POFUT3: variants seen among roughly 807,000 people sequenced by gnomAD.
POFUT3 encodes the protein protein O-fucosyltransferase 3.
At chr8:33,387,393 A>G in the POFUT3 span, among the ~76,000 whole-genome samples, 3 of 152,372 alleles carry the variant, frequency 2.0e-5, no homozygotes, top group East Asian at 5.8e-4. Flanking sequence ...CCCATATGGT[A>G]TACATACAAT....
chr8:33,417,242 A>G, the POFUT3 span, among the ~76,000 whole-genome samples: 4 of 152,180 alleles, frequency 2.6e-5, no homozygotes, highest in Admixed American at 2.6e-4. Context: ...TCACCCCCAG[A>G]TGGGACCGTC....
the POFUT3 span, among the ~76,000 whole-genome samples, chr8:33,344,099 C>G: frequency 2.0e-5 from 3 of 152,134 alleles, no homozygotes; most frequent in Non-Finnish European, 2.9e-5. Flanking sequence ...AAAGAGATCC[C>G]TAAGAATGAA....
the POFUT3 span, among the ~76,000 whole-genome samples, chr8:33,318,481 A>T: frequency 1.5e-5 from 2 of 130,414 alleles, no homozygotes; most frequent in African/African-American, 5.9e-5. Context: ...TTATTATAAT[A>T]TATAATGTAC....
chr8:33,410,608 T>C, the POFUT3 span, among the ~76,000 whole-genome samples: 10 of 152,184 alleles, frequency 6.6e-5, no homozygotes, highest in Admixed American at 1.3e-4. Flanking sequence ...ATGAGACTCA[T>C]AGGCCTTTGG....
the POFUT3 span, chr8:33,453,492 TC>T: frequency 1.2e-6 from 2 of 1,609,474 alleles, no homozygotes; most frequent in Admixed American, 1.7e-5. Context: ...CTTTCAAACT[TC>T]CCCAGCTCAA....
the POFUT3 span, among the ~76,000 whole-genome samples, chr8:33,382,225 G>A: frequency 3.3e-5 from 5 of 151,820 alleles, no homozygotes; most frequent in Non-Finnish European, 7.4e-5. Flanking sequence ...CTCGGAGCTG[G>A]AGGTTGCAGT....
At chr8:33,466,223 C>T in the POFUT3 span, among the ~76,000 whole-genome samples, 1 of 151,944 alleles carries the variant, frequency 6.6e-6, no homozygotes, top group Middle Eastern at 3.4e-3. Flanking sequence ...TCAAGACTAG[C>T]CTGGGCAACA....
the POFUT3 span, among the ~76,000 whole-genome samples, chr8:33,400,130 TAAAA>T: frequency 8.7e-6 from 1 of 114,914 alleles, no homozygotes. Flanking sequence ...TTAAGTTCAT[TAAAA>T]AAAAAAAAAA....
the POFUT3 span, chr8:33,461,558 C>A: frequency 6.4e-7 from 1 of 1,572,380 alleles, no homozygotes; most frequent in South Asian, 1.1e-5. Flanking sequence ...ATCTGGGCGC[C>A]AATTTCCTGC....
the POFUT3 span, among the ~76,000 whole-genome samples, chr8:33,327,312 A>T: frequency 6.6e-6 from 1 of 152,248 alleles, no homozygotes; most frequent in East Asian, 1.9e-4. Context: ...AAGATGTCTT[A>T]TATATGTAGA....
the POFUT3 span, among the ~76,000 whole-genome samples, chr8:33,416,633 G>A: frequency 6.6e-6 from 1 of 151,984 alleles, no homozygotes; most frequent in African/African-American, 2.4e-5. Context: ...ATCACTTGAG[G>A]TCAGGAGTTC....
At chr8:33,380,040 GA>G in the POFUT3 span, among the ~76,000 whole-genome samples, 13 of 59,396 alleles carry the variant, frequency 2.2e-4, no homozygotes, top group African/African-American at 9.6e-4. Flanking sequence ...ATATATATAC[GA>G]TATATATACA....
At chr8:33,468,255 A>G in the POFUT3 span, among the ~76,000 whole-genome samples, 72,446 of 130,180 alleles carry the variant, frequency 0.56, 19,588 homozygotes, top group Non-Finnish European at 0.59. Context: ...AAAAAAAAAA[A>G]AAGAAGAAGA....
chr8:33,351,446 G>A, the POFUT3 span, among the ~76,000 whole-genome samples: 2 of 151,972 alleles, frequency 1.3e-5, no homozygotes, highest in Non-Finnish European at 2.9e-5. Context: ...AGTCGGCGGG[G>A]GGCAGGGGGT....
At chr8:33,330,043 A>C in the POFUT3 span, among the ~76,000 whole-genome samples, 4 of 152,214 alleles carry the variant, frequency 2.6e-5, no homozygotes, top group Non-Finnish European at 5.9e-5. Flanking sequence ...GAGGGTGGAC[A>C]ATGCTTTAGT....
the POFUT3 span, chr8:33,453,162 A>G: frequency 5.8e-6 from 9 of 1,560,366 alleles, no homozygotes; most frequent in Non-Finnish European, 7.9e-6. Flanking sequence ...ACTGTAACTC[A>G]GCTTTGGAGG....
the POFUT3 span, among the ~76,000 whole-genome samples, chr8:33,460,932 C>T: frequency 1.3e-4 from 20 of 152,258 alleles, no homozygotes; most frequent in African/African-American, 4.6e-4. Flanking sequence ...GCAGGCAGAT[C>T]ACTTGAGATC....
the POFUT3 span, among the ~76,000 whole-genome samples, chr8:33,350,380 T>C: frequency 3.9e-5 from 6 of 152,150 alleles, no homozygotes; most frequent in Non-Finnish European, 7.4e-5. Flanking sequence ...GTCTTCTCCC[T>C]GAAACAGAGG....
chr8:33,380,063 C>A, the POFUT3 span, among the ~76,000 whole-genome samples: 1 of 47,832 alleles, frequency 2.1e-5, no homozygotes, highest in African/African-American at 1.5e-4. Flanking sequence ...TATATATATA[C>A]ACTATATATA....
Sources: gnomAD v4.1 joint callset for allele counts (sites outside exome capture counted in the v4.1 genomes callset) on GRCh38, gnomAD v4.1.1 for gene constraint, MANE v1.5 for transcripts, NCBI Gene and HGNC (gene_info 2026-07-23, HGNC 2026-07-21) for gene names.